The following MACROD2 variants were observed in gnomAD, a reference collection of about 807,000 sequenced individuals.
MACROD2 encodes the protein mono-ADP ribosylhydrolase 2.
MACROD2 carries 36 observed loss-of-function variants against 70.4 expected under a neutral mutation model. That is an observed-to-expected ratio of 0.51 (90% CI 0.39 to 0.68). MACROD2 has a LOEUF of 0.68. Ranked by LOEUF, MACROD2 falls within the 30% of genes least tolerant of loss-of-function variation. The probability of loss-of-function intolerance (pLI) is 0.00; values close to 1 mark genes in which losing one functional copy is unlikely to be tolerated. For missense variants in MACROD2, 496 were observed against 538.4 expected, an observed-to-expected ratio of 0.92 and a Z score of 0.78; for synonymous variants, 172 against 178.8, an observed-to-expected ratio of 0.96 and a Z score of 0.30.
chr20:14,306,182 C>T (rs1024461876), intron 3 of MACROD2, among the ~76,000 whole-genome samples: 1 of 152,064 alleles, frequency 6.6e-6, no homozygotes, highest in South Asian at 2.1e-4. Context: ...TCTTGACTTT[C>T]CCTCTATTAA....
intron 5 of MACROD2, among the ~76,000 whole-genome samples, chr20:15,139,014 C>A (rs957600527): frequency 8.5e-5 from 13 of 152,080 alleles, no homozygotes; most frequent in African/African-American, 2.9e-4. Context: ...GTAAAAGCAC[C>A]CCTAAAGCTT....
intron 5 of MACROD2, among the ~76,000 whole-genome samples, chr20:15,077,085 A>G (rs755016645): frequency 3.3e-5 from 5 of 152,218 alleles, no homozygotes; most frequent in Non-Finnish European, 5.9e-5. Flanking sequence ...TAATTGCACT[A>G]TTAAGTTATT....
chr20:14,605,917 G>A (rs1265097132), intron 4 of MACROD2, among the ~76,000 whole-genome samples: 3 of 152,102 alleles, frequency 2.0e-5, no homozygotes, highest in African/African-American at 7.2e-5. Context: ...TAATGTAAAT[G>A]TAATTATACG....
At position 15,072,476 on chromosome 20, in the gene MACROD2, A is replaced by G. The variant is rs1378586607; in HGVS notation, c.419-157464A>G. ...AACCAAATGAATAAAACTCTTTGCA[A>G]CAATTCTTATGGGTAGAAACAGTAT... On this transcript the variant is annotated intron_variant, in intron 5 of 17. Transcript: ENST00000684519. Among the ~76,000 whole-genome samples the G allele has an allele frequency of 2.0e-5, 3 of 152,192 alleles. No homozygotes were observed. The East Asian group carries it at 5.8e-4, about 29-fold the overall frequency.
At chr20:14,824,814 A>T (rs1330095550) in intron 5 of MACROD2, among the ~76,000 whole-genome samples, 1 of 152,022 alleles carries the variant, frequency 6.6e-6, no homozygotes, top group Non-Finnish European at 1.5e-5. Flanking sequence ...CATGAAAGAA[A>T]CTTTCTGCCA....
chr20:14,892,602 A>G (rs1232207785), intron 5 of MACROD2: 2 of 152,250 alleles, frequency 1.3e-5, no homozygotes, highest in South Asian at 2.1e-4. Flanking sequence ...GATATTAACT[A>G]TATTCACGTT....
intron 8 of MACROD2, among the ~76,000 whole-genome samples, chr20:15,586,029 G>T (rs1407182274): frequency 6.6e-6 from 1 of 152,142 alleles, no homozygotes; most frequent in Non-Finnish European, 1.5e-5. Flanking sequence ...AAAGCTCTTA[G>T]CACCCTCCTA....
At chr20:14,697,987 A>G (rs994419313) in intron 5 of MACROD2, among the ~76,000 whole-genome samples, 3 of 152,182 alleles carry the variant, frequency 2.0e-5, no homozygotes, top group Admixed American at 6.5e-5. Context: ...TCAGGCAGCA[A>G]TCACTGATTT....
At chr20:15,009,229 G>C (rs1568528756) in intron 5 of MACROD2, among the ~76,000 whole-genome samples, 1 of 152,078 alleles carries the variant, frequency 6.6e-6, no homozygotes, top group Non-Finnish European at 1.5e-5. Context: ...CTGATCTTGG[G>C]TCTCCAAACA....
intron 3 of MACROD2, among the ~76,000 whole-genome samples, chr20:14,194,726 T>C (rs2081416094): frequency 6.6e-6 from 1 of 152,122 alleles, no homozygotes; most frequent in African/African-American, 2.4e-5. Context: ...GAGACTAAAA[T>C]GATTTCAAAG....
At position 14,407,343 on chromosome 20, in the gene MACROD2, C is replaced by T. The variant is rs147169081; in HGVS notation, c.272-86136C>T. 5.1e-3 allele frequency among the ~76,000 whole-genome samples: 780 copies of T among 152,130 alleles called. 2 individuals carry two copies. Among genetic ancestry groups the T allele is most frequent in the Non-Finnish European group, 8.1e-3 (553 of 67,966 alleles). On this transcript the variant is annotated intron_variant, in intron 3 of 17. Coordinates refer to ENST00000684519, the MANE Select transcript of MACROD2 (RefSeq NM_001351661.2). ...CTTGGAAGCTGCTCTTACTTTGTGTCACCCTAAAGCTGATGGTGACTCTGT... is the reference window on the plus strand; with the variant it reads ...CTTGGAAGCTGCTCTTACTTTGTGTTACCCTAAAGCTGATGGTGACTCTGT...
intron 5 of MACROD2, among the ~76,000 whole-genome samples, chr20:14,715,789 A>G (rs554372321): frequency 1.3e-5 from 2 of 152,280 alleles, no homozygotes; most frequent in East Asian, 1.9e-4. Context: ...TTAAACATCA[A>G]CAGGGGCTGA....
intron 5 of MACROD2, among the ~76,000 whole-genome samples, chr20:14,820,265 G>A (rs1001311885): frequency 1.3e-5 from 2 of 151,698 alleles, no homozygotes; most frequent in Non-Finnish European, 2.9e-5. Context: ...AGATCTGGAG[G>A]AACCTCATCC....
intron 5 of MACROD2, among the ~76,000 whole-genome samples, chr20:14,958,600 T>C (rs1470260162): frequency 6.6e-6 from 1 of 152,212 alleles, no homozygotes; most frequent in Admixed American, 6.5e-5. Flanking sequence ...GATCCGCTGA[T>C]TAGCCCGGTT....
intron 5 of MACROD2, among the ~76,000 whole-genome samples, chr20:15,031,115 A>C (rs183029660): frequency 1.3e-5 from 2 of 152,348 alleles, no homozygotes; most frequent in Admixed American, 6.5e-5. Context: ...AGGTGCCTGC[A>C]CAGGCGCCAG....
At chr20:14,272,879 G>C (rs2082210043) in intron 3 of MACROD2, among the ~76,000 whole-genome samples, 2 of 152,160 alleles carry the variant, frequency 1.3e-5, no homozygotes, top group East Asian at 1.9e-4. Flanking sequence ...AACCAACAAA[G>C]ATCAAAAGAG....
chr20:14,428,115 T>C (rs2083954445), intron 3 of MACROD2, among the ~76,000 whole-genome samples: 1 of 152,104 alleles, frequency 6.6e-6, no homozygotes, highest in Non-Finnish European at 1.5e-5. Context: ...AAATATTAAA[T>C]AGCCATTTTG....
intron 7 of MACROD2, among the ~76,000 whole-genome samples, chr20:15,484,322 C>CAGGGG (rs917471017): frequency 1.3e-5 from 2 of 152,054 alleles, no homozygotes; most frequent in African/African-American, 4.8e-5. Context: ...GGTTAGATGT[C>CAGGGG]AGGGGAGGGG....
intron 8 of MACROD2, among the ~76,000 whole-genome samples, chr20:15,636,870 A>T (rs932172530): frequency 3.9e-5 from 6 of 152,078 alleles, no homozygotes; most frequent in African/African-American, 1.4e-4. Context: ...CATGGGAGAG[A>T]TGCAGGCTAA....
Sources: allele counts gnomAD v4.1 joint callset (sites outside exome capture counted in the v4.1 genomes callset), GRCh38; gene constraint gnomAD v4.1.1; transcripts MANE v1.5; gene names NCBI Gene and HGNC (gene_info 2026-07-23, HGNC 2026-07-21).